Variants in CTIF observed in about 807,000 individuals in gnomAD.
The protein encoded by CTIF is cap binding complex dependent translation initiation factor.
In CTIF, 21 loss-of-function variants were observed where a neutral mutation model predicts 66.0. The ratio of observed to expected loss-of-function variants is 0.32; its 90% CI spans 0.23 to 0.46. The LOEUF is 0.46. CTIF is among the 20% of genes least tolerant of loss of function. The pLI is 1.00. For synonymous variants in CTIF, 345 were observed against 326.4 expected, an observed-to-expected ratio of 1.06 and a Z score of -0.62; for missense variants, 739 against 812.7, an observed-to-expected ratio of 0.91 and a Z score of 1.10.
At chr18:48,839,573 TGA>T (rs33917459) in intron 10 of CTIF, among the ~76,000 whole-genome samples, 15,602 of 152,252 alleles carry the variant, frequency 0.1, 771 homozygotes, top group East Asian at 0.13. Flanking sequence ...GTAAGGAAAC[TGA>T]GACACAGAGG....
chr18:48,813,632 G>T (rs1206378958), intron 9 of CTIF, among the ~76,000 whole-genome samples: 1 of 152,222 alleles, frequency 6.6e-6, no homozygotes, highest in Non-Finnish European at 1.5e-5. Flanking sequence ...TATTTAGCAG[G>T]CATTCAATCT....
At chr18:48,674,516 C>G (rs2091593393) in intron 6 of CTIF, among the ~76,000 whole-genome samples, 1 of 152,262 alleles carries the variant, frequency 6.6e-6, no homozygotes, top group South Asian at 2.1e-4. Flanking sequence ...GGTGATGCCT[C>G]CACTGGGGGT....
In CTIF at chr18:48,860,132, G is replaced by A. The variant is rs1277123567; in HGVS notation, c.*573G>A. On this transcript the variant is annotated 3_prime_UTR_variant, in exon 12 of 12. Transcript: ENST00000256413. ...GACGGCCTTTGTCAGCCATGGCAGA[G>A]CTGACGCTCCACCTCCCACCTCCAA... 2 of 368,930 alleles carry A rather than the reference G, an allele frequency of 5.4e-6. No individual in the cohort carries two copies. Among genetic ancestry groups the A allele is most frequent in the East Asian group, 1.5e-4 (2 of 13,576 alleles). 22.9% of individuals were successfully genotyped at this position (368,930 alleles called of 1,614,324 possible).
At chr18:48,748,885 C>T (rs1021808257) in intron 7 of CTIF, among the ~76,000 whole-genome samples, 1 of 152,210 alleles carries the variant, frequency 6.6e-6, no homozygotes, top group African/African-American at 2.4e-5. Flanking sequence ...CACCATGTCC[C>T]CAGACAGACC....
intron 1 of CTIF, among the ~76,000 whole-genome samples, chr18:48,545,134 C>T (rs1040205530): frequency 5.3e-5 from 8 of 152,094 alleles, no homozygotes; most frequent in African/African-American, 1.4e-4. Flanking sequence ...GAAGGCATGG[C>T]GTGCGCAGGG....
chr18:48,569,568 C>T (rs886661034), intron 1 of CTIF, among the ~76,000 whole-genome samples: 1 of 152,138 alleles, frequency 6.6e-6, no homozygotes, highest in Admixed American at 6.5e-5. Context: ...CCAGCCGCAC[C>T]AGTATACTTA....
chr18:48,857,541 G>A (rs758499501), intron 10 of CTIF, 47 bp from the exon 11 acceptor site: 9 of 1,564,532 alleles, frequency 5.8e-6, no homozygotes, highest in Non-Finnish European at 7.8e-6. Flanking sequence ...GGGCCCAGTA[G>A]CCGGCATGTC....
intron 1 of CTIF, among the ~76,000 whole-genome samples, chr18:48,551,048 G>A (rs773908132): frequency 8.6e-5 from 13 of 151,064 alleles, no homozygotes; most frequent in Admixed American, 2.0e-4. Context: ...TAACTCCAGC[G>A]CCTCAGAACT....
At chr18:48,625,239 G>A (rs2090572915) in intron 2 of CTIF, 2 of 984,434 alleles carry the variant, frequency 2.0e-6, no homozygotes, top group Non-Finnish European at 2.4e-6. Flanking sequence ...CAGAAGAAGT[G>A]AGTTTATAGG....
chr18:48,803,347 A>G (rs1372668401), intron 9 of CTIF, among the ~76,000 whole-genome samples: 1 of 152,226 alleles, frequency 6.6e-6, no homozygotes. Context: ...GTAATTTTTT[A>G]TTAATAATAG....
chr18:48,635,058 G>C (rs299715), intron 2 of CTIF, among the ~76,000 whole-genome samples: 1 of 152,204 alleles, frequency 6.6e-6, no homozygotes, highest in Non-Finnish European at 1.5e-5. Flanking sequence ...TGTGGTTTCT[G>C]TGTGTGGCTC....
chr18:48,639,092 T>C (rs1473650314), intron 3 of CTIF, among the ~76,000 whole-genome samples: 1 of 152,122 alleles, frequency 6.6e-6, no homozygotes, highest in Non-Finnish European at 1.5e-5. Flanking sequence ...CCTGGTGCCG[T>C]GTTGGTCTTG....
At chr18:48,717,915 A>G (rs1162662622) in intron 7 of CTIF, among the ~76,000 whole-genome samples, 1 of 151,978 alleles carries the variant, frequency 6.6e-6, no homozygotes, top group African/African-American at 2.4e-5. Context: ...TTATTGCTTG[A>G]TTGATTGGTA....
At chr18:48,711,980 A>G (rs962594818) in intron 7 of CTIF, among the ~76,000 whole-genome samples, 2 of 152,192 alleles carry the variant, frequency 1.3e-5, no homozygotes, top group Admixed American at 1.3e-4. Context: ...CAGGCTTTGC[A>G]GTTCAGGAGG....
intron 9 of CTIF, among the ~76,000 whole-genome samples, chr18:48,786,150 CAG>C (rs1384735960): frequency 1.3e-5 from 2 of 152,170 alleles, no homozygotes; most frequent in Non-Finnish European, 2.9e-5. Context: ...TGAAGGAGCT[CAG>C]AGAGCACTGC....
intron 6 of CTIF, among the ~76,000 whole-genome samples, chr18:48,691,421 G>A (rs1021699201): frequency 2.6e-5 from 4 of 151,602 alleles, no homozygotes; most frequent in Admixed American, 6.6e-5. Flanking sequence ...CTTTGTAGGG[G>A]TCGTTACCAA....
At chr18:48,784,500 C>T (rs1423574232) in intron 9 of CTIF, among the ~76,000 whole-genome samples, 1 of 152,030 alleles carries the variant, frequency 6.6e-6, no homozygotes, top group Non-Finnish European at 1.5e-5. Flanking sequence ...GGGACCATAC[C>T]CTTTGGTCTC....
chr18:48,739,802 C>T (rs1274181462), intron 7 of CTIF, among the ~76,000 whole-genome samples: 1 of 152,182 alleles, frequency 6.6e-6, no homozygotes, highest in East Asian at 1.9e-4. Flanking sequence ...GCTCTGGAAT[C>T]ATAGGAGGGA....
chr18:48,616,666 C>G (rs1035647249), intron 1 of CTIF, among the ~76,000 whole-genome samples: 1 of 152,186 alleles, frequency 6.6e-6, no homozygotes, highest in South Asian at 2.1e-4. Flanking sequence ...AGATCAAGTG[C>G]TGACGTGTCT....
Sources: allele counts gnomAD v4.1 joint callset (sites outside exome capture counted in the v4.1 genomes callset), GRCh38; gene constraint gnomAD v4.1.1; transcripts MANE v1.5; gene names NCBI Gene and HGNC (gene_info 2026-07-23, HGNC 2026-07-21).